C5orf63: variants seen among roughly 807,000 people sequenced by gnomAD.
C5orf63 encodes glutaredoxin-like protein C5orf63.
In C5orf63, 18 loss-of-function variants were observed where a neutral mutation model predicts 13.3. The observed-to-expected ratio is 1.36, with a 90% CI of 0.94 to 2.01. The LOEUF (loss-of-function observed/expected upper bound fraction) is 2.01. Ranked by LOEUF, C5orf63 falls within the 30% of genes most tolerant of loss-of-function variation. The pLI is 0.00. For synonymous variants in C5orf63, 38 were observed against 44.7 expected (o/e 0.85, Z 0.60); for missense variants, 118 against 127.7 (o/e 0.92, Z 0.36).
intron 3 of C5orf63, among the ~76,000 whole-genome samples, chr5:127,053,702 C>T (rs908662448): frequency 4.6e-5 from 7 of 152,238 alleles, no homozygotes; most frequent in Middle Eastern, 3.4e-3. Flanking sequence ...TCTGTCCATG[C>T]GACAGTTTGC....
At chr5:127,073,126 T>A (rs1456328301) in intron 1 of C5orf63, 1 of 151,916 alleles carries the variant, frequency 6.6e-6, no homozygotes, top group African/African-American at 2.4e-5. Flanking sequence ...GGACGGGGCA[T>A]CGGCGAATCA....
At chr5:127,048,215 T>G (rs1444948002), downstream of C5orf63, among the ~76,000 whole-genome samples, 1 of 148,976 alleles carries the variant, frequency 6.7e-6, no homozygotes, top group Non-Finnish European at 1.5e-5. Context: ...ACCAGTCCCC[T>G]CTCACATTTG....
At chr5:127,069,099 C>T (rs982221632) in intron 2 of C5orf63, among the ~76,000 whole-genome samples, 7 of 152,136 alleles carry the variant, frequency 4.6e-5, no homozygotes, top group African/African-American at 1.4e-4. Context: ...GCCAAGAAAA[C>T]CTGAATAATG....
rs1753716491 is a variant in C5orf63 at position 127,052,493 on chromosome 5, A to C, written c.171+120T>G. On this transcript the variant is annotated intron_variant, in intron 4 of 4. Coordinates refer to ENST00000296662, the MANE Select transcript of C5orf63 (RefSeq NM_001164478.2). ...CTAAACTCTCTCTCTGAAGAACAGA[A>C]AGAAAATTTAAAAGAAAAATCATTT... 4.2e-6 allele frequency: 3 copies of C among 711,368 alleles called. No homozygotes were observed. The South Asian group carries it at 1.5e-4, about 36-fold the overall frequency. The allele number at this position is 711,368 out of a possible 1,614,324, so 44.1% of individuals were successfully genotyped here.
intron 2 of C5orf63, among the ~76,000 whole-genome samples, chr5:127,069,705 C>T (rs572727744): frequency 7.7e-4 from 117 of 152,278 alleles, no homozygotes; most frequent in African/African-American, 2.8e-3. Flanking sequence ...GAGCCATCCA[C>T]TCTTGCTTGA....
chr5:127,043,882 C>CAA (rs950244751), downstream of C5orf63: 2 of 152,232 alleles, frequency 1.3e-5, no homozygotes, highest in Admixed American at 6.5e-5. Flanking sequence ...CATTTTAACT[C>CAA]ATTTTTAAGG....
At chr5:127,051,218 A>G, downstream of C5orf63, 1 of 876,956 alleles carries the variant, frequency 1.1e-6, no homozygotes, top group Non-Finnish European at 1.5e-6. Context: ...TTTGGCTAGG[A>G]TAATAATTCT....
Position 127,051,735 on chromosome 5 carries a change from A to C in C5orf63, c.*36T>G, listed in dbSNP as rs1425209231. The C allele has an allele frequency of 1.4e-6, 2 of 1,460,024 alleles. No individual in the cohort carries two copies. The highest frequency in any genetic ancestry group is 2.5e-5 in the Admixed American group (1 of 39,882). The allele number at this position is 1,460,024 out of a possible 1,614,324, so 90.4% of individuals were successfully genotyped here. On this transcript the variant is annotated 3_prime_UTR_variant, in exon 5 of 5. Coordinates refer to ENST00000296662, the MANE Select transcript of C5orf63 (RefSeq NM_001164478.2). ...GGTCATTTCCTTAGGAAGATGCTTT[A>C]TGGGAAGAGAGGGTGGAAAATCATG...
chr5:127,045,728 A>G (rs903498179), exon 5 of C5orf63: 23 of 152,226 alleles, frequency 1.5e-4, no homozygotes, highest in African/African-American at 5.1e-4. Context: ...ACTGTCAGTT[A>G]CTCTGGGAAA....
downstream of C5orf63, chr5:127,051,212 G>GA (rs1580523738): frequency 8.5e-6 from 7 of 827,270 alleles, no homozygotes; most frequent in Non-Finnish European, 1.1e-5. Context: ...TGCCTCTTTG[G>GA]CTAGGATAAT....
chr5:127,057,507 T>C (rs1753930995), intron 3 of C5orf63, among the ~76,000 whole-genome samples: 1 of 152,244 alleles, frequency 6.6e-6, no homozygotes, highest in Non-Finnish European at 1.5e-5. Context: ...ACTAGCTTTA[T>C]GGCTTAAAAC....
chr5:127,068,766 GTA>G (rs1221391863), intron 2 of C5orf63, among the ~76,000 whole-genome samples: 1 of 152,184 alleles, frequency 6.6e-6, no homozygotes, highest in African/African-American at 2.4e-5. Context: ...AGTCTACTCA[GTA>G]ATGGGGTTGG....
At chr5:127,053,947 T>A (rs1289713394) in intron 3 of C5orf63, among the ~76,000 whole-genome samples, 1 of 152,096 alleles carries the variant, frequency 6.6e-6, no homozygotes, top group Non-Finnish European at 1.5e-5. Context: ...GATTTATAAT[T>A]GGCTTATCAT....
At chr5:127,063,077 A>G (rs1242938630) in intron 2 of C5orf63, among the ~76,000 whole-genome samples, 1 of 152,162 alleles carries the variant, frequency 6.6e-6, no homozygotes, top group East Asian at 1.9e-4. Flanking sequence ...CAGCCTAACA[A>G]TAAAGATGGT....
chr5:127,049,087 A>T (rs962016041), downstream of C5orf63, among the ~76,000 whole-genome samples: 1 of 152,124 alleles, frequency 6.6e-6, no homozygotes, highest in South Asian at 2.1e-4. Context: ...GGGACTGTTG[A>T]GCTCAGCATG....
intron 2 of C5orf63, among the ~76,000 whole-genome samples, chr5:127,063,301 T>C (rs538578978): frequency 2.0e-5 from 3 of 152,194 alleles, no homozygotes; most frequent in Non-Finnish European, 4.4e-5. Flanking sequence ...TGCAAGGGAC[T>C]AAAGGGCACA....
intron 3 of C5orf63, among the ~76,000 whole-genome samples, chr5:127,057,277 A>C (rs576224223): frequency 6.6e-6 from 1 of 152,262 alleles, no homozygotes; most frequent in Non-Finnish European, 1.5e-5. Context: ...AATAACTGTC[A>C]TATATATCCA....
intron 1 of C5orf63, among the ~76,000 whole-genome samples, chr5:127,072,287 A>G (rs1285780067): frequency 6.6e-6 from 1 of 152,202 alleles, no homozygotes; most frequent in African/African-American, 2.4e-5. Flanking sequence ...TATTATCATA[A>G]TTATCCAATA....
intron 2 of C5orf63, among the ~76,000 whole-genome samples, chr5:127,066,100 G>A (rs563970986): frequency 1.3e-5 from 2 of 151,992 alleles, no homozygotes; most frequent in Non-Finnish European, 2.9e-5. Flanking sequence ...GCAAAAGCCT[G>A]TAAGTGAGGA....
Sources: gnomAD v4.1 joint callset for allele counts (sites outside exome capture counted in the v4.1 genomes callset) on GRCh38, gnomAD v4.1.1 for gene constraint, MANE v1.5 for transcripts, NCBI Gene and HGNC (gene_info 2026-07-23, HGNC 2026-07-21) for gene names.